MED13: variants seen among roughly 807,000 people sequenced by gnomAD.
MED13 encodes the protein mediator complex subunit 13.
MED13 carries 23 observed loss-of-function variants against 225.2 expected under a neutral mutation model. The observed-to-expected ratio is 0.10, with a 90% confidence interval of 0.07 to 0.14. The LOEUF is 0.14. Among genes scored for constraint, MED13 ranks in the 10% least tolerant of loss-of-function variants. The pLI, the probability that MED13 is intolerant of heterozygous loss-of-function variation, is 1.00. For missense variants in MED13, 2,197 were observed against 2,594.5 expected, an observed-to-expected ratio of 0.85 and a Z score of 3.33; for synonymous variants, 942 against 889.2, an observed-to-expected ratio of 1.06 and a Z score of -1.06.
At chr17:61,969,949 A>G (rs2080092612) in intron 17 of MED13, among the ~76,000 whole-genome samples, 2 of 152,070 alleles carry the variant, frequency 1.3e-5, no homozygotes, top group South Asian at 2.1e-4. Context: ...ATGACCAACA[A>G]CCTAATAGAA....
chr17:61,995,452 ATTAC>A (rs1347464779), intron 9 of MED13, 87 bp from the exon 10 acceptor site: 39 of 866,882 alleles, frequency 4.5e-5, no homozygotes, highest in African/African-American at 2.4e-4. Context: ...TGTTTTTAGA[ATTAC>A]TTAAAGATTA....
At chr17:61,968,334 T>C (rs1210010790) in intron 17 of MED13, 76 bp from the exon 18 acceptor site, 11 of 1,092,364 alleles carry the variant, frequency 1.0e-5, no homozygotes, top group Non-Finnish European at 1.4e-5. Context: ...TATTTATTTA[T>C]TTATTTTTTG....
chr17:61,956,301 A>C (rs1436693499), intron 24 of MED13, 38 bp downstream of exon 24: 2 of 1,580,158 alleles, frequency 1.3e-6, no homozygotes, highest in African/African-American at 2.7e-5. Flanking sequence ...AATTTACATA[A>C]AACGGAAATA....
At chr17:62,014,130 T>C (rs72843778) in intron 8 of MED13, among the ~76,000 whole-genome samples, 10,303 of 151,796 alleles carry the variant, frequency 0.068, 591 homozygotes, top group South Asian at 0.31. Context: ...TTACTAGATA[T>C]GGGACAACCA....
At chr17:61,950,509 G>A (rs563171169) in intron 28 of MED13, among the ~76,000 whole-genome samples, 2,331 of 150,976 alleles carry the variant, frequency 0.015, 30 homozygotes, top group Non-Finnish European at 0.023. Context: ...TTAGCCTCCC[G>A]AGTAGCTGGG....
intron 28 of MED13, among the ~76,000 whole-genome samples, chr17:61,948,331 T>C (rs754858164): frequency 6.6e-6 from 1 of 152,224 alleles, no homozygotes; most frequent in Non-Finnish European, 1.5e-5. Flanking sequence ...TATACTATCC[T>C]TTCTGCAAAT....
intron 2 of MED13, among the ~76,000 whole-genome samples, chr17:62,053,865 GAATA>G (rs1276821523): frequency 6.6e-6 from 1 of 152,132 alleles, no homozygotes; most frequent in East Asian, 1.9e-4. Flanking sequence ...CAAATGGGTA[GAATA>G]AACATTAACT....
chr17:61,995,100 G>T, intron 10 of MED13, 52 bp downstream of exon 10: 1 of 1,159,946 alleles, frequency 8.6e-7, no homozygotes, highest in Non-Finnish European at 1.3e-6. Context: ...GTTACTATAT[G>T]CAGTGCTACA....
intron 3 of MED13, among the ~76,000 whole-genome samples, chr17:62,041,038 C>T (rs1158994356): frequency 6.6e-6 from 1 of 152,138 alleles, no homozygotes; most frequent in Admixed American, 6.6e-5. Context: ...TGGGTAGACA[C>T]CCAAAGGAAC....
At chr17:62,044,596 T>C (rs2080882645) in intron 3 of MED13, among the ~76,000 whole-genome samples, 1 of 152,250 alleles carries the variant, frequency 6.6e-6, no homozygotes, top group Non-Finnish European at 1.5e-5. Flanking sequence ...ATCCTATATG[T>C]ACATGTCTAT....
At chr17:61,951,906 CTTTT>C (rs966930431) in intron 27 of MED13, among the ~76,000 whole-genome samples, 39 of 151,282 alleles carry the variant, frequency 2.6e-4, no homozygotes, top group African/African-American at 9.2e-4. Context: ...AATTTCTTTT[CTTTT>C]TTTTTGAGAT....
At chr17:62,020,118 A>G (rs1211686174) in intron 8 of MED13, among the ~76,000 whole-genome samples, 1 of 152,166 alleles carries the variant, frequency 6.6e-6, no homozygotes, top group Non-Finnish European at 1.5e-5. Flanking sequence ...TCCTCAAAGC[A>G]CAAACCAACA....
At chr17:61,968,540 A>C (rs1388659340) in intron 17 of MED13, among the ~76,000 whole-genome samples, 5 of 152,072 alleles carry the variant, frequency 3.3e-5, no homozygotes, top group African/African-American at 1.2e-4. Context: ...GTTAGCCAGG[A>C]TGGTCTCGAG....
chr17:61,966,437 T>C, intron 19 of MED13, 25 bp downstream of exon 19: 3 of 1,583,728 alleles, frequency 1.9e-6, no homozygotes, highest in Non-Finnish European at 2.6e-6. Context: ...ACACCAGCCT[T>C]ATACAATAAA....
intron 8 of MED13, among the ~76,000 whole-genome samples, chr17:62,012,291 T>C (rs946991618): frequency 6.6e-6 from 1 of 151,524 alleles, no homozygotes; most frequent in African/African-American, 2.4e-5. Flanking sequence ...CAATGAGAGA[T>C]ATATATACAC....
intron 8 of MED13, among the ~76,000 whole-genome samples, chr17:62,019,771 C>A (rs1490280418): frequency 6.6e-6 from 1 of 150,470 alleles, no homozygotes; most frequent in Non-Finnish European, 1.5e-5. Flanking sequence ...GAGACGGAGC[C>A]TCGCTCTTGT....
chr17:62,025,180 G>A (rs2080689184), intron 8 of MED13, among the ~76,000 whole-genome samples: 1 of 152,132 alleles, frequency 6.6e-6, no homozygotes, highest in African/African-American at 2.4e-5. Flanking sequence ...TTTATCCCCT[G>A]GGGGCCAGAC....
intron 20 of MED13, among the ~76,000 whole-genome samples, chr17:61,964,761 C>T (rs567833550): frequency 9.2e-5 from 14 of 152,054 alleles, no homozygotes; most frequent in Admixed American, 7.2e-4. Context: ...CATGGCAAAA[C>T]CCTGTCTCTA....
intron 3 of MED13, among the ~76,000 whole-genome samples, chr17:62,040,752 G>A (rs1475092071): frequency 2.6e-5 from 4 of 152,184 alleles, no homozygotes; most frequent in African/African-American, 9.6e-5. Context: ...CTCCAAAAAT[G>A]ATATAAAAAT....
Sources: gnomAD v4.1 joint callset for allele counts (sites outside exome capture counted in the v4.1 genomes callset) on GRCh38, gnomAD v4.1.1 for gene constraint, MANE v1.5 for transcripts, NCBI Gene and HGNC (gene_info 2026-07-23, HGNC 2026-07-21) for gene names.